The following TEX2 variants were observed in gnomAD, a reference collection of about 807,000 sequenced individuals.
The protein encoded by TEX2 is testis-expressed protein 2.
TEX2 carries 53 observed loss-of-function variants against 106.9 expected under a neutral mutation model. The observed-to-expected ratio is 0.50, with a 90% CI of 0.40 to 0.62. TEX2 has a LOEUF of 0.62. Ranked by LOEUF, TEX2 falls within the 20% of genes least tolerant of loss-of-function variation. The pLI, the probability that TEX2 is intolerant of heterozygous loss-of-function variation, is 0.00. For synonymous variants in TEX2, 523 were observed against 534.8 expected, an observed-to-expected ratio of 0.98 and a Z score of 0.30; for missense variants, 1,207 against 1,379.0, an observed-to-expected ratio of 0.88 and a Z score of 1.98.
At chr17:64,216,257 A>C (rs563613453) in intron 1 of TEX2, among the ~76,000 whole-genome samples, 1 of 152,344 alleles carries the variant, frequency 6.6e-6, no homozygotes, top group East Asian at 1.9e-4. Flanking sequence ...AAGAAGAAAA[A>C]TATCAGAAGC....
chr17:64,226,994 G>A lies in TEX2; in HGVS notation c.-25-12752C>T, dbSNP rs186194794. On this transcript the variant is annotated intron_variant, in intron 1 of 11. Transcript: ENST00000584379. Reference sequence around the variant, plus strand: ...TGTAATCCCAGCTCTTTGGGAGGTCGAGGCAGGCAGATCACAAGGTCAAGA... The same window carrying A: ...TGTAATCCCAGCTCTTTGGGAGGTCAAGGCAGGCAGATCACAAGGTCAAGA... Among the ~76,000 whole-genome samples the A allele has an allele frequency of 7.9e-3, 1,202 of 152,200 alleles. 16 individuals are homozygous for A. Among genetic ancestry groups the A allele is most frequent in the African/African-American group, 0.026 (1,100 of 41,538 alleles).
chr17:64,207,243 A>C (rs1451422820), intron 2 of TEX2, among the ~76,000 whole-genome samples: 1 of 152,216 alleles, frequency 6.6e-6, no homozygotes, highest in East Asian at 1.9e-4. Context: ...GTGAGAACTT[A>C]TACGGCTCAG....
At chr17:64,161,033 A>G in intron 7 of TEX2, 100 bp from the exon 8 acceptor site, 1 of 1,311,840 alleles carries the variant, frequency 7.6e-7, no homozygotes, top group South Asian at 1.4e-5. Flanking sequence ...CACCATACTG[A>G]AAGTCCATGT....
At chr17:64,244,811 T>C (rs1015591611) in intron 1 of TEX2, among the ~76,000 whole-genome samples, 25 of 152,294 alleles carry the variant, frequency 1.6e-4, no homozygotes, top group African/African-American at 6.0e-4. Context: ...TTTTCAAATA[T>C]GGAAATTTAA....
chr17:64,222,518 C>CAAAAAAAAAAAA (rs11296538), intron 1 of TEX2, among the ~76,000 whole-genome samples: 1 of 99,150 alleles, frequency 1.0e-5, no homozygotes, highest in Non-Finnish European at 2.1e-5. Flanking sequence ...TTCCAACTCA[C>CAAAAAAAAAAAA]AAAAAAAAAA....
intron 1 of TEX2, among the ~76,000 whole-genome samples, chr17:64,229,856 T>G (rs1555634401): frequency 1.3e-5 from 2 of 152,332 alleles, no homozygotes; most frequent in East Asian, 3.9e-4. Flanking sequence ...GGTTGATCAC[T>G]GGCCATTCAG....
At chr17:64,161,051 A>T (rs2030862477) in intron 7 of TEX2, 118 bp from the exon 8 acceptor site, 3 of 1,102,442 alleles carry the variant, frequency 2.7e-6, no homozygotes, top group Admixed American at 2.3e-5. Flanking sequence ...TGTATCGTCT[A>T]CTACTCTAGT....
At chr17:64,225,250 G>A (rs1195088972) in intron 1 of TEX2, among the ~76,000 whole-genome samples, 6 of 152,022 alleles carry the variant, frequency 3.9e-5, no homozygotes, top group African/African-American at 1.5e-4. Flanking sequence ...CCAGGGGTTC[G>A]AGACCAGCCT....
At chr17:64,209,351 G>A (rs2032930174) in intron 2 of TEX2, among the ~76,000 whole-genome samples, 1 of 152,164 alleles carries the variant, frequency 6.6e-6, no homozygotes, top group Admixed American at 6.5e-5. Flanking sequence ...TCTAAATAGA[G>A]AATGCATTCA....
At chr17:64,219,618 GT>G (rs2033301052) in intron 1 of TEX2, among the ~76,000 whole-genome samples, 1 of 152,118 alleles carries the variant, frequency 6.6e-6, no homozygotes, top group Admixed American at 6.5e-5. Flanking sequence ...AAAGCATGAT[GT>G]AAGAAATGCC....
rs781914860 is a variant in TEX2 at position 64,212,563 on chromosome 17, G to C, written c.1644+11C>G. ...GTGTGTGTACTAGCCAGCTCCCGGGGAGAGGCTTACCTTCAGTATTTCAGG... is the reference window on the plus strand; with the variant it reads ...GTGTGTGTACTAGCCAGCTCCCGGGCAGAGGCTTACCTTCAGTATTTCAGG... On this transcript the variant is annotated intron_variant, in intron 2 of 11. Transcript: ENST00000584379. The C allele has an allele frequency of 6.8e-6, 11 of 1,607,190 alleles. No homozygotes were observed. The highest frequency in any genetic ancestry group is 1.7e-5 in the Admixed American group (1 of 59,602).
intron 4 of TEX2, among the ~76,000 whole-genome samples, chr17:64,190,667 C>A (rs2032262959): frequency 1.3e-5 from 2 of 152,226 alleles, no homozygotes; most frequent in Admixed American, 1.3e-4. Flanking sequence ...TACTGGAATT[C>A]TGCCAAATGA....
At chr17:64,247,050 G>C (rs2034001738) in intron 1 of TEX2, among the ~76,000 whole-genome samples, 1 of 151,936 alleles carries the variant, frequency 6.6e-6, no homozygotes, top group African/African-American at 2.4e-5. Context: ...GGCTGAGGTG[G>C]GCAGATCACC....
At chr17:64,251,037 G>A (rs550993080) in intron 1 of TEX2, among the ~76,000 whole-genome samples, 1 of 152,108 alleles carries the variant, frequency 6.6e-6, no homozygotes. Context: ...AGGTTTCCAT[G>A]ATCAGGGCAC....
At chr17:64,167,942 T>G (rs2143708061) in intron 7 of TEX2, among the ~76,000 whole-genome samples, 1 of 152,314 alleles carries the variant, frequency 6.6e-6, no homozygotes, top group South Asian at 2.1e-4. Context: ...CAGTGCTGCC[T>G]CTTGCCTCAA....
chr17:64,240,912 CAT>C (rs1244834325), intron 1 of TEX2, among the ~76,000 whole-genome samples: 2 of 152,142 alleles, frequency 1.3e-5, no homozygotes, highest in Admixed American at 6.5e-5. Context: ...GAGCAGGTCA[CAT>C]GTGAAAAAAT....
At chr17:64,219,944 T>G (rs1424995378) in intron 1 of TEX2, among the ~76,000 whole-genome samples, 1 of 152,210 alleles carries the variant, frequency 6.6e-6, no homozygotes, top group Non-Finnish European at 1.5e-5. Context: ...ATGGAAAGAT[T>G]ATCCTGGATT....
At chr17:64,186,583 G>A (rs972728390) in intron 5 of TEX2, among the ~76,000 whole-genome samples, 4 of 152,172 alleles carry the variant, frequency 2.6e-5, no homozygotes, top group South Asian at 2.1e-4. Context: ...TTGGGAGGCC[G>A]AGGCAGGTGC....
chr17:64,149,289 A>C, intron 11 of TEX2, 198 bp from the exon 12 acceptor site: 1 of 560,698 alleles, frequency 1.8e-6, no homozygotes, highest in Non-Finnish European at 3.1e-6. Flanking sequence ...GGATACGAGA[A>C]TCCTCTAATA....
Sources: gnomAD v4.1 joint callset for allele counts (sites outside exome capture counted in the v4.1 genomes callset) on GRCh38, gnomAD v4.1.1 for gene constraint, MANE v1.5 for transcripts, NCBI Gene and HGNC (gene_info 2026-07-23, HGNC 2026-07-21) for gene names.